Variants in NEK10 observed in about 807,000 individuals in gnomAD.
The protein encoded by NEK10 is serine/threonine-protein kinase Nek10.
A neutral mutation model predicts 159.8 loss-of-function variants in NEK10; 122 were observed. The observed-to-expected ratio is 0.76, with a 90% CI of 0.66 to 0.89. NEK10 has a LOEUF of 0.89. Ranked by LOEUF, NEK10 falls within the 40% of genes least tolerant of loss-of-function variation. The pLI is 0.00. For synonymous variants in NEK10, 466 were observed against 457.1 expected, an observed-to-expected ratio of 1.02 and a Z score of -0.25; for missense variants, 1,342 against 1,323.1, an observed-to-expected ratio of 1.01 and a Z score of -0.22.
intron 29 of NEK10, among the ~76,000 whole-genome samples, chr3:27,168,048 T>C (rs888765385): frequency 2.6e-5 from 4 of 152,238 alleles, no homozygotes; most frequent in African/African-American, 9.6e-5. Context: ...TATGAGTTTA[T>C]GCTTAAGCTT....
chr3:27,229,625 C>A (rs1165086278), intron 23 of NEK10, among the ~76,000 whole-genome samples: 1 of 151,742 alleles, frequency 6.6e-6, no homozygotes, highest in Non-Finnish European at 1.5e-5. Context: ...TTTTTTTAAT[C>A]TAGGAAATGA....
At chr3:27,325,710 T>C (rs1040064029) in intron 5 of NEK10, among the ~76,000 whole-genome samples, 1 of 152,120 alleles carries the variant, frequency 6.6e-6, no homozygotes, top group East Asian at 1.9e-4. Context: ...AGGAGGTTGA[T>C]AGGTAAGCTC....
intron 23 of NEK10, chr3:27,215,955 C>A (rs1575294634): frequency 1.8e-6 from 1 of 559,410 alleles, no homozygotes; most frequent in Non-Finnish European, 3.2e-6. Context: ...CCCCATAATA[C>A]AATCACCTCC....
chr3:27,256,912 C>CT (rs550014186), intron 22 of NEK10, among the ~76,000 whole-genome samples: 2,059 of 125,020 alleles, frequency 0.016, 58 homozygotes, highest in African/African-American at 0.038. Context: ...TTTTTTCTCT[C>CT]TTTTTTTTTT....
intron 23 of NEK10, 51 bp from the exon 24 acceptor site, chr3:27,202,608 C>A: frequency 7.1e-7 from 1 of 1,415,520 alleles, no homozygotes; most frequent in Non-Finnish European, 9.4e-7. Context: ...AGAATCCGCT[C>A]AGAAAGATCC....
intron 6 of NEK10, among the ~76,000 whole-genome samples, chr3:27,317,523 C>T (rs752245678): frequency 6.6e-6 from 1 of 152,064 alleles, no homozygotes; most frequent in Non-Finnish European, 1.5e-5. Flanking sequence ...CCTAAGCTTA[C>T]CCCCTGAATT....
chr3:27,175,838 G>A (rs532306648), intron 26 of NEK10, among the ~76,000 whole-genome samples: 1 of 152,268 alleles, frequency 6.6e-6, no homozygotes, highest in South Asian at 2.1e-4. Flanking sequence ...ATTTATTGAA[G>A]GGGAAAGAAT....
chr3:27,290,503 T>C (rs902917140), intron 19 of NEK10, 114 bp downstream of exon 19: 1 of 744,176 alleles, frequency 1.3e-6, no homozygotes, highest in Admixed American at 3.4e-5. Flanking sequence ...TCAGTGTCAA[T>C]TATTTCACAT....
chr3:27,140,063 G>C (rs1044607485), intron 31 of NEK10, among the ~76,000 whole-genome samples: 2 of 152,148 alleles, frequency 1.3e-5, no homozygotes, highest in Non-Finnish European at 2.9e-5. Flanking sequence ...CAGCAGGGAG[G>C]TACTATTATT....
At chr3:27,271,470 C>A (rs565775400) in intron 22 of NEK10, among the ~76,000 whole-genome samples, 2 of 152,184 alleles carry the variant, frequency 1.3e-5, no homozygotes, top group East Asian at 3.9e-4. Context: ...AAAAATAATG[C>A]TTTGGCTTTT....
In NEK10 at chr3:27,125,260, C is replaced by T. The variant is rs144229671; in HGVS notation, c.3082-5392G>A. ...AAATAGAAAAAATAAAGAAACTATA[C>T]ATGTAATATTTATTAAATTTCCCAA... On this transcript the variant is annotated intron_variant, in intron 32 of 35. Transcript: ENST00000691995. 1.5e-3 allele frequency among the ~76,000 whole-genome samples: 224 copies of T among 152,196 alleles called. 1 individual carries two copies. The highest frequency in any genetic ancestry group is 5.0e-3 in the African/African-American group (206 of 41,538).
intron 5 of NEK10, among the ~76,000 whole-genome samples, chr3:27,339,876 G>T (rs530079279): frequency 1.2e-4 from 18 of 152,086 alleles, no homozygotes; most frequent in Non-Finnish European, 2.6e-4. Context: ...TGGCGAGGTT[G>T]TGGAGAAATA....
At chr3:27,147,715 C>T (rs1449565105) in intron 30 of NEK10, among the ~76,000 whole-genome samples, 3 of 152,160 alleles carry the variant, frequency 2.0e-5, no homozygotes, top group Admixed American at 6.5e-5. Context: ...AGGCCTGTAG[C>T]GTTAGAGGTT....
intron 10 of NEK10, 30 bp from the exon 11 acceptor site, chr3:27,307,975 A>G (rs2044370890): frequency 1.8e-6 from 2 of 1,082,356 alleles, no homozygotes; most frequent in East Asian, 4.8e-5. Context: ...AGCAATTACT[A>G]AAAGCATATT....
intron 20 of NEK10, 21 bp from the exon 21 acceptor site, chr3:27,284,982 G>T (rs774870895): frequency 1.3e-6 from 2 of 1,565,436 alleles, no homozygotes; most frequent in East Asian, 4.5e-5. Flanking sequence ...ATCACAAAAG[G>T]TCACAGAAAT....
intron 23 of NEK10, among the ~76,000 whole-genome samples, chr3:27,248,918 A>G (rs1017756674): frequency 5.9e-5 from 9 of 152,260 alleles, no homozygotes; most frequent in African/African-American, 1.7e-4. Flanking sequence ...CTGATTTTCT[A>G]TCTGGGAGGT....
intron 23 of NEK10, among the ~76,000 whole-genome samples, chr3:27,236,058 C>A (rs528605806): frequency 3.2e-4 from 49 of 152,016 alleles, no homozygotes; most frequent in African/African-American, 1.2e-3. Context: ...AACAGAAAAA[C>A]AAATACTGCA....
chr3:27,366,500 C>T (rs1373148795), intron 1 of NEK10, among the ~76,000 whole-genome samples: 1 of 152,224 alleles, frequency 6.6e-6, no homozygotes, highest in African/African-American at 2.4e-5. Context: ...GCTTGACTGG[C>T]TGTGACAGGC....
intron 30 of NEK10, among the ~76,000 whole-genome samples, chr3:27,150,606 T>C (rs1179970816): frequency 6.6e-6 from 1 of 152,240 alleles, no homozygotes; most frequent in African/African-American, 2.4e-5. Flanking sequence ...AAAATATTGA[T>C]GTTCTTTGAC....
Sources: gnomAD v4.1 joint callset for allele counts (sites outside exome capture counted in the v4.1 genomes callset) on GRCh38, gnomAD v4.1.1 for gene constraint, MANE v1.5 for transcripts, NCBI Gene and HGNC (gene_info 2026-07-23, HGNC 2026-07-21) for gene names.